Variants in NTM observed in about 807,000 individuals in gnomAD.
The protein encoded by NTM is IgLON family member 2.
In NTM, 13 loss-of-function variants were observed where a neutral mutation model predicts 42.1. That is an observed-to-expected ratio of 0.31 (90% CI 0.20 to 0.49). NTM has a LOEUF of 0.49. Ranked by LOEUF, NTM falls within the 20% of genes least tolerant of loss-of-function variation. The pLI is 0.99. For synonymous variants in NTM, 187 were observed against 179.2 expected (o/e 1.04, Z -0.35); for missense variants, 373 against 452.8 (o/e 0.82, Z 1.60).
intron 2 of NTM, among the ~76,000 whole-genome samples, chr11:132,090,770 C>G (rs1216101227): frequency 6.6e-6 from 1 of 152,160 alleles, no homozygotes; most frequent in African/African-American, 2.4e-5. Flanking sequence ...AACCTCCTTA[C>G]CCCACTGTCC....
intron 1 of NTM, among the ~76,000 whole-genome samples, chr11:131,619,031 G>A (rs889593453): frequency 1.3e-5 from 2 of 152,198 alleles, no homozygotes; most frequent in Non-Finnish European, 2.9e-5. Flanking sequence ...AGGCTCGAGA[G>A]GTATGCGAAA....
chr11:132,303,712 CAA>C (rs139688601), intron 4 of NTM, among the ~76,000 whole-genome samples: 61,058 of 112,680 alleles, frequency 0.54, 12,750 homozygotes, highest in East Asian at 0.75. Context: ...TTCTAGGTGA[CAA>C]AAAAAAAAAA....
intron 1 of NTM, among the ~76,000 whole-genome samples, chr11:131,848,317 G>A (rs908124291): frequency 6.6e-6 from 1 of 152,310 alleles, no homozygotes; most frequent in East Asian, 1.9e-4. Flanking sequence ...TAACTCTCCA[G>A]TTGGAGTTTC....
chr11:131,426,861 C>T (rs898217446), intron 1 of NTM, among the ~76,000 whole-genome samples: 2 of 152,082 alleles, frequency 1.3e-5, no homozygotes, highest in African/African-American at 2.4e-5. Flanking sequence ...CATTCCTCCT[C>T]CTCTATCCAC....
At position 131,686,365 on chromosome 11, in the gene NTM, AC is replaced by A. The variant is rs1419605413; in HGVS notation, c.83-225197del. On this transcript the variant is annotated intron_variant, in intron 1 of 8. Transcript: ENST00000683400. ...GGATTTTGCATGTTATGTGTTATAT[AC>A]CATAATCTCACAATAAAGTAAGCTA... Among the ~76,000 whole-genome samples the A allele has an allele frequency of 3.9e-5, 6 of 152,246 alleles. No individual in the cohort carries two copies. In the East Asian group the frequency reaches 7.7e-4, roughly 19 times the overall value.
In NTM at chr11:131,660,809, G is replaced by A; in HGVS notation, c.83-250755G>A. 3.4e-6 allele frequency: 4 copies of A among 1,171,128 alleles called. No individual in the cohort carries two copies. In the South Asian group the frequency reaches 6.3e-5, roughly 19 times the overall value. The allele number at this position is 1,171,128 out of a possible 1,614,324, so 72.5% of individuals were successfully genotyped here. ...TCCTGAGTTTCATTAAATATAGAAA[G>A]GTAGGATGAAAAAATAATATTCACT... On this transcript the variant is annotated intron_variant, in intron 1 of 8. Coordinates refer to ENST00000683400, the MANE Select transcript of NTM (RefSeq NM_001352005.2).
chr11:131,908,795 G>T (rs2054246969), intron 1 of NTM, among the ~76,000 whole-genome samples: 1 of 152,192 alleles, frequency 6.6e-6, no homozygotes, highest in South Asian at 2.1e-4. Flanking sequence ...ATTGCCCGTT[G>T]GAAAATGGAG....
At chr11:131,796,307 G>A in intron 1 of NTM, 1 of 341,676 alleles carries the variant, frequency 2.9e-6, no homozygotes, top group Non-Finnish European at 4.1e-6. Flanking sequence ...GGTGTCTCAG[G>A]AGCACGCAGG....
chr11:131,468,269 T>C (rs2136158814), intron 1 of NTM, among the ~76,000 whole-genome samples: 1 of 152,346 alleles, frequency 6.6e-6, no homozygotes, highest in Admixed American at 6.5e-5. Context: ...CCATGCTGTG[T>C]AATGGGTTGA....
intron 1 of NTM, among the ~76,000 whole-genome samples, chr11:131,658,356 A>G (rs1164821905): frequency 6.6e-6 from 1 of 152,208 alleles, no homozygotes; most frequent in African/African-American, 2.4e-5. Context: ...TTTAGGTTCC[A>G]GTAAAATAAG....
At chr11:132,069,443 G>A in intron 2 of NTM, among the ~76,000 whole-genome samples, 1 of 120,598 alleles carries the variant, frequency 8.3e-6, no homozygotes, top group Non-Finnish European at 1.7e-5. Flanking sequence ...ACGTCACACA[G>A]CCAAGTTAAC....
chr11:131,612,279 C>T (rs2061521882), intron 1 of NTM, among the ~76,000 whole-genome samples: 2 of 152,236 alleles, frequency 1.3e-5, no homozygotes, highest in Admixed American at 1.3e-4. Flanking sequence ...ACTGCTCAGC[C>T]AGGCTGCTGC....
intron 3 of NTM, among the ~76,000 whole-genome samples, chr11:132,202,329 G>T (rs372314689): frequency 6.6e-6 from 1 of 152,150 alleles, no homozygotes; most frequent in Non-Finnish European, 1.5e-5. Context: ...CGGAATAGAA[G>T]GTGTTTGGTG....
At chr11:132,209,057 G>A (rs185889254) in intron 3 of NTM, among the ~76,000 whole-genome samples, 1 of 152,042 alleles carries the variant, frequency 6.6e-6, no homozygotes, top group Admixed American at 6.6e-5. Flanking sequence ...GGAGGTGGCT[G>A]GTGCATGAGA....
chr11:131,534,407 C>T (rs2051810317), intron 1 of NTM: 1 of 152,312 alleles, frequency 6.6e-6, no homozygotes, highest in Non-Finnish European at 1.5e-5. Flanking sequence ...GCACCCCACA[C>T]ACTTTAGAAT....
chr11:131,877,641 A>G (rs1217632260), intron 1 of NTM: 1 of 152,176 alleles, frequency 6.6e-6, no homozygotes, highest in Non-Finnish European at 1.5e-5. Context: ...TTCTTTAAAC[A>G]CTTATGGAAT....
intron 2 of NTM, among the ~76,000 whole-genome samples, chr11:131,959,236 G>A (rs1311577214): frequency 1.3e-5 from 2 of 152,136 alleles, no homozygotes; most frequent in Admixed American, 1.3e-4. Flanking sequence ...CAGAAGAGAG[G>A]TGTTCTCTTT....
rs112142771 is a variant in NTM at position 131,496,294 on chromosome 11, C to T, written c.82+125406C>T. On this transcript the variant is annotated intron_variant, in intron 1 of 8. Transcript: ENST00000683400. ...AAAGGATGATGCATTCAAGGTCCTG[C>T]GGACAGTCAGCTGGAGTTCAGCCCC... is the stretch of plus-strand genomic sequence containing the variant. 6.9e-3 allele frequency among the ~76,000 whole-genome samples: 1,056 copies of T among 152,342 alleles called. 4 individuals carry two copies. Among genetic ancestry groups the T allele is most frequent in the African/African-American group, 0.023 (969 of 41,586 alleles).
intron 4 of NTM, among the ~76,000 whole-genome samples, chr11:132,289,968 A>G (rs552365464): frequency 2.0e-5 from 3 of 152,348 alleles, no homozygotes; most frequent in Non-Finnish European, 4.4e-5. Context: ...CATTTGCTAT[A>G]CAGTTTTAGG....
Sources: gnomAD v4.1 joint callset for allele counts (sites outside exome capture counted in the v4.1 genomes callset) on GRCh38, gnomAD v4.1.1 for gene constraint, MANE v1.5 for transcripts, NCBI Gene and HGNC (gene_info 2026-07-23, HGNC 2026-07-21) for gene names.